PIP4K2A: variants seen among roughly 807,000 people sequenced by gnomAD.
PIP4K2A encodes phosphatidylinositol 5-phosphate 4-kinase type-2 alpha.
PIP4K2A carries 14 observed loss-of-function variants against 42.9 expected under a neutral mutation model. The ratio of observed to expected loss-of-function variants is 0.33; its 90% CI spans 0.22 to 0.51. The LOEUF (loss-of-function observed/expected upper bound fraction) is 0.51, where lower values mean the gene tolerates loss of function less well. Ranked by LOEUF, PIP4K2A falls within the 20% of genes least tolerant of loss-of-function variation. The pLI, the probability that PIP4K2A is intolerant of heterozygous loss-of-function variation, is 0.97. For synonymous variants in PIP4K2A, 192 were observed against 192.2 expected, an observed-to-expected ratio of 1.00 and a Z score of 0.01; for missense variants, 434 against 519.8, an observed-to-expected ratio of 0.83 and a Z score of 1.61.
rs868190323 is a variant in PIP4K2A at position 22,616,852 on chromosome 10, A to G, written c.145-7135T>C. The stretch of plus-strand genomic sequence containing the variant: ...TGTGACTGAAAAGTTGTCATCTAAC[A>G]TTTCTTGTCATTTTAAAAAAGGGAA... On this transcript the variant is annotated intron_variant, in intron 1 of 9. Coordinates refer to ENST00000376573, the MANE Select transcript of PIP4K2A (RefSeq NM_005028.5). Among the ~76,000 whole-genome samples the G allele has an allele frequency of 8.5e-5, 13 of 152,222 alleles. 1 individual carries two copies. Among genetic ancestry groups the G allele is most frequent in the Non-Finnish European group, 1.5e-4 (10 of 68,038 alleles).
rs745998324 is a variant in PIP4K2A, at chr10:22,541,489, TTG to T, written c.1036+313_1036+314del. 5.9e-5 allele frequency among the ~76,000 whole-genome samples: 9 copies of T among 152,226 alleles called. No individual in the cohort carries two copies. The South Asian group carries it at 1.0e-3, about 18-fold the overall frequency. ...TGTGCATATGTACATGCATGTTGTG[TTG>T]TGTGTGCACGTACGTTGTATGCCAG... On this transcript the variant is annotated intron_variant, in intron 8 of 9. Transcript: ENST00000376573.
chr10:22,582,588 T>G (rs1837304383), intron 4 of PIP4K2A, among the ~76,000 whole-genome samples: 1 of 152,226 alleles, frequency 6.6e-6, no homozygotes, highest in Admixed American at 6.5e-5. Flanking sequence ...ATGTAAAGTC[T>G]TGTTTCATTT....
intron 4 of PIP4K2A, among the ~76,000 whole-genome samples, chr10:22,591,391 G>T (rs1213167560): frequency 1.3e-5 from 2 of 152,198 alleles, no homozygotes; most frequent in Non-Finnish European, 2.9e-5. Flanking sequence ...TTACACAAGA[G>T]TATTTAGGTT....
chr10:22,671,091 C>T (rs1290670640), intron 1 of PIP4K2A, among the ~76,000 whole-genome samples: 1 of 152,084 alleles, frequency 6.6e-6, no homozygotes, highest in Non-Finnish European at 1.5e-5. Context: ...TAGTGAAAAG[C>T]CAGGGAAAGC....
At chr10:22,614,444 T>C (rs951405324) in intron 1 of PIP4K2A, among the ~76,000 whole-genome samples, 67 of 152,202 alleles carry the variant, frequency 4.4e-4, no homozygotes, top group Non-Finnish European at 7.9e-4. Flanking sequence ...TACTTTATCT[T>C]TCTTCCAGGT....
rs1477654260 is a variant in PIP4K2A, at chr10:22,535,472, C to G, written c.*1729G>C. On this transcript the variant is annotated 3_prime_UTR_variant, in exon 10 of 10. Transcript: ENST00000376573. ...CCAAAGACTCTGTGAACTAGATCCA[C>G]ATACACGGGGCACAGCTGCAATCTG... The G allele has an allele frequency of 6.6e-6, 1 of 152,240 alleles. No homozygotes were observed. Among genetic ancestry groups the G allele is most frequent in the Non-Finnish European group, 1.5e-5 (1 of 68,056 alleles). 9.4% of individuals were successfully genotyped at this position (152,240 alleles called of 1,614,324 possible). A position where few individuals can be genotyped will look rare whatever the true frequency, so the allele number is the denominator to read the frequency against.
At chr10:22,606,930 T>C (rs1837919521) in intron 3 of PIP4K2A, among the ~76,000 whole-genome samples, 1 of 152,180 alleles carries the variant, frequency 6.6e-6, no homozygotes, top group Non-Finnish European at 1.5e-5. Flanking sequence ...AAACACGAAA[T>C]TTATCTATTT....
intron 1 of PIP4K2A, among the ~76,000 whole-genome samples, chr10:22,667,110 T>A (rs530515474): frequency 2.0e-5 from 3 of 152,362 alleles, no homozygotes; most frequent in Middle Eastern, 3.4e-3. Flanking sequence ...AAGTCCTTCA[T>A]CAGAGTCAGA....
chr10:22,623,045 A>T (rs1470041360), intron 1 of PIP4K2A, among the ~76,000 whole-genome samples: 1 of 152,218 alleles, frequency 6.6e-6, no homozygotes, highest in Non-Finnish European at 1.5e-5. Context: ...CATATTACCT[A>T]GCAAACACCG....
At chr10:22,630,095 G>A (rs776401472) in intron 1 of PIP4K2A, among the ~76,000 whole-genome samples, 4 of 152,044 alleles carry the variant, frequency 2.6e-5, no homozygotes, top group Non-Finnish European at 2.9e-5. Flanking sequence ...CCAGCATGTT[G>A]GGAAGGCCAA....
rs1388197219 is a variant in PIP4K2A at position 22,664,172 on chromosome 10, T to TACAC, written c.144+50010_144+50011insGTGT. Among the ~76,000 whole-genome samples, 8 of 74,006 alleles carry TACAC rather than the reference T, an allele frequency of 1.1e-4. 1 individual carries two copies. Among genetic ancestry groups the TACAC allele is most frequent in the Middle Eastern group, 5.2e-3 (1 of 192 alleles). The allele number at this position is 74,006 out of a possible 152,430, so 48.6% of individuals were successfully genotyped here. A position where few individuals can be genotyped will look rare whatever the true frequency, so the allele number is the denominator to read the frequency against. On this transcript the variant is annotated intron_variant, in intron 1 of 9. Coordinates refer to ENST00000376573, the MANE Select transcript of PIP4K2A (RefSeq NM_005028.5). ...ATATACACATATATATATATACATA[T>TACAC]ATATATATACATATATATACATATA... is the stretch of plus-strand genomic sequence containing the variant.
Position 22,535,890 on chromosome 10 carries a change from GAAAAA to G in PIP4K2A, c.*1306_*1310del, listed in dbSNP as rs34435373. On this transcript the variant is annotated 3_prime_UTR_variant, in exon 10 of 10. Transcript: ENST00000376573. ...TAGGTTGATAAATGTACATTTGGAG[GAAAAA>G]AAAATCCTTTTCCTTTTATTGTGAA... 1 of 372,988 alleles carries G rather than the reference GAAAAA, an allele frequency of 2.7e-6. No homozygotes were observed. The highest frequency in any genetic ancestry group is 2.1e-5 in the African/African-American group (1 of 48,088). 23.1% of individuals were successfully genotyped at this position (372,988 alleles called of 1,614,324 possible).
At position 22,536,382 on chromosome 10, in the gene PIP4K2A, T is replaced by TAAGC. The variant is rs1835919543; in HGVS notation, c.*815_*818dup. The TAAGC allele has an allele frequency of 8.8e-6, 3 of 341,334 alleles. No individual in the cohort carries two copies. The highest frequency in any genetic ancestry group is 1.6e-5 in the Non-Finnish European group (3 of 190,154). The allele number at this position is 341,334 out of a possible 1,614,324, so 21.1% of individuals were successfully genotyped here. On this transcript the variant is annotated 3_prime_UTR_variant, in exon 10 of 10. Coordinates refer to ENST00000376573, the MANE Select transcript of PIP4K2A (RefSeq NM_005028.5). ...AAGGCTCCAGGCAAGAAAAGAGAAG[T>TAAGC]AAGCAGTTTTCCTGGACATATTGGC...
At chr10:22,684,826 C>T (rs1329220317) in intron 1 of PIP4K2A, among the ~76,000 whole-genome samples, 1 of 152,220 alleles carries the variant, frequency 6.6e-6, no homozygotes, top group Non-Finnish European at 1.5e-5. Context: ...CCTGCCAAGT[C>T]ATCTGAAGTT....
At chr10:22,660,845 C>T (rs1839192723) in intron 1 of PIP4K2A, among the ~76,000 whole-genome samples, 1 of 151,428 alleles carries the variant, frequency 6.6e-6, no homozygotes, top group Non-Finnish European at 1.5e-5. Context: ...TATGAAACTA[C>T]AATGGTGGAT....
rs760176470 is a variant in PIP4K2A, at chr10:22,591,644, C to T, written c.477G>A (p.Leu159=). ...GAAAAATTACCTGGTGGTATTTCTTCAGGATGTTGTGCATTTCGGCCACGT... is the reference window on the plus strand; with the variant it reads ...GAAAAATTACCTGGTGGTATTTCTTTAGGATGTTGTGCATTTCGGCCACGT... ...SEDVAEMHNI[L]KKYHQYIVEC... Residue 159 remains leucine (L), a synonymous_variant, in exon 4 of 10, where the codon CTG becomes CTA. Transcript: ENST00000376573. 3.1e-6 allele frequency: 5 copies of T among 1,606,756 alleles called. No individual in the cohort carries two copies. Among genetic ancestry groups the T allele is most frequent in the African/African-American group, 1.3e-5 (1 of 74,770 alleles).
chr10:22,588,620 A>C (rs1837448511), intron 4 of PIP4K2A, among the ~76,000 whole-genome samples: 1 of 152,224 alleles, frequency 6.6e-6, no homozygotes, highest in Admixed American at 6.5e-5. Context: ...AATAAGGTCA[A>C]GAGTGAATAC....
At chr10:22,589,590 G>C (rs905075582) in intron 4 of PIP4K2A, among the ~76,000 whole-genome samples, 2 of 152,196 alleles carry the variant, frequency 1.3e-5, no homozygotes, top group African/African-American at 4.8e-5. Context: ...CAAGCAAAAT[G>C]CAATTGATCA....
chr10:22,700,655 C>T (rs747805643), intron 1 of PIP4K2A, among the ~76,000 whole-genome samples: 8 of 152,190 alleles, frequency 5.3e-5, no homozygotes, highest in Non-Finnish European at 1.0e-4. Flanking sequence ...ACGTCAGCCC[C>T]CACCTGCCCC....
Sources: allele counts gnomAD v4.1 joint callset (sites outside exome capture counted in the v4.1 genomes callset), GRCh38; gene constraint gnomAD v4.1.1; transcripts MANE v1.5; gene names NCBI Gene and HGNC (gene_info 2026-07-23, HGNC 2026-07-21).